CACNA2D3: variants seen among roughly 807,000 people sequenced by gnomAD.
The protein encoded by CACNA2D3 is voltage-dependent calcium channel subunit alpha-2/delta-3.
A neutral mutation model predicts 160.6 loss-of-function variants in CACNA2D3; 60 were observed. That is an observed-to-expected ratio of 0.37 (90% confidence interval 0.30 to 0.46). The LOEUF is 0.46. Among genes scored for constraint, CACNA2D3 ranks in the 20% least tolerant of loss-of-function variants. The pLI is 1.00. For missense variants in CACNA2D3, 1,205 were observed against 1,365.0 expected (o/e 0.88, Z 1.85); for synonymous variants, 558 against 492.9 (o/e 1.13, Z -1.75).
intron 11 of CACNA2D3, among the ~76,000 whole-genome samples, chr3:54,693,261 A>G (rs905297363): frequency 1.3e-5 from 2 of 152,242 alleles, no homozygotes; most frequent in African/African-American, 4.8e-5. Flanking sequence ...CATGCTCTGC[A>G]TAACGATGTT....
chr3:54,324,991 G>T (rs1314032757), intron 3 of CACNA2D3, among the ~76,000 whole-genome samples: 2 of 152,154 alleles, frequency 1.3e-5, no homozygotes, highest in African/African-American at 2.4e-5. Flanking sequence ...GTTGAGAAAT[G>T]TACCCTGATT....
chr3:54,626,211 C>T, intron 9 of CACNA2D3: 2 of 859,446 alleles, frequency 2.3e-6, no homozygotes, highest in South Asian at 2.9e-5. Context: ...GAGGATCCGG[C>T]AAGATGGCAG....
chr3:54,699,876 C>T (rs887072390), intron 11 of CACNA2D3, among the ~76,000 whole-genome samples: 2 of 152,202 alleles, frequency 1.3e-5, no homozygotes, highest in African/African-American at 4.8e-5. Flanking sequence ...AGGGTGCTTA[C>T]TGGACAGTTT....
chr3:54,793,527 G>A (rs1243238481), intron 13 of CACNA2D3, among the ~76,000 whole-genome samples: 1 of 152,218 alleles, frequency 6.6e-6, no homozygotes, highest in African/African-American at 2.4e-5. Context: ...CATCTCAAAT[G>A]TCTTTCAGAG....
intron 11 of CACNA2D3, among the ~76,000 whole-genome samples, chr3:54,678,750 G>A (rs1208446891): frequency 4.6e-3 from 304 of 66,178 alleles, no homozygotes; most frequent in Non-Finnish European, 7.9e-3. Flanking sequence ...AAAAAAAAAA[G>A]TTGATGATCA....
At chr3:54,770,110 G>C (rs1702292697) in intron 13 of CACNA2D3, among the ~76,000 whole-genome samples, 1 of 152,144 alleles carries the variant, frequency 6.6e-6, no homozygotes. Flanking sequence ...TGCGGCTGCA[G>C]CTGTTAACCC....
At chr3:54,341,001 C>T (rs1343458416) in intron 3 of CACNA2D3, among the ~76,000 whole-genome samples, 1 of 152,226 alleles carries the variant, frequency 6.6e-6, no homozygotes. Flanking sequence ...TCTGAAGCTT[C>T]ACGCCTGCTG....
rs540772052 is a variant in CACNA2D3, at chr3:54,514,693, TG to T, written c.544+11044del. 1.3e-3 allele frequency among the ~76,000 whole-genome samples: 201 copies of T among 149,264 alleles called. 1 individual carries two copies. Among genetic ancestry groups the T allele is most frequent in the African/African-American group, 4.7e-3 (192 of 40,484 alleles). On this transcript the variant is annotated intron_variant, in intron 5 of 37. Transcript: ENST00000474759. ...GCTCAGCCTGGGTGAACTGGGAAGG[TG>T]GGGGTGGCCACGGGCAGAGGACACT... is the stretch of plus-strand genomic sequence containing the variant.
At chr3:54,927,906 T>C (rs1490997628) in intron 27 of CACNA2D3, 1 of 1,613,602 alleles carries the variant, frequency 6.2e-7, no homozygotes, top group Non-Finnish European at 8.5e-7. Context: ...AGGGCTCACC[T>C]TTCATGACTG....
chr3:54,800,839 G>A (rs541292254), intron 13 of CACNA2D3, among the ~76,000 whole-genome samples: 68 of 152,196 alleles, frequency 4.5e-4, no homozygotes, highest in African/African-American at 1.3e-3. Context: ...TGTGGTGGAC[G>A]GTGTGGTGCT....
At chr3:54,485,568 CTT>C (rs111371057) in intron 4 of CACNA2D3, among the ~76,000 whole-genome samples, 12 of 141,238 alleles carry the variant, frequency 8.5e-5, no homozygotes, top group Admixed American at 1.4e-4. Context: ...ATAATAGACA[CTT>C]TTTTTTTTTT....
chr3:54,736,100 C>CATACATATATATATATACATACAT (rs1254952481), intron 11 of CACNA2D3, among the ~76,000 whole-genome samples: 1 of 47,920 alleles, frequency 2.1e-5, no homozygotes, highest in East Asian at 5.1e-4. Flanking sequence ...TATATATATA[C>CATACATATATATATATACATACAT]ATATATATGT....
intron 13 of CACNA2D3, among the ~76,000 whole-genome samples, chr3:54,801,887 T>G (rs995933202): frequency 4.6e-5 from 7 of 152,134 alleles, no homozygotes; most frequent in African/African-American, 1.7e-4. Context: ...GGTAAGATAA[T>G]ACCCAATTTC....
Position 54,922,816 on chromosome 3 carries a change from C to T in CACNA2D3, c.2449+22948C>T, listed in dbSNP as rs185740274. Among the ~76,000 whole-genome samples, 4 of 152,282 alleles carry T rather than the reference C, an allele frequency of 2.6e-5. No homozygotes were observed. The East Asian group carries it at 5.8e-4, about 22-fold the overall frequency. The stretch of plus-strand genomic sequence containing the variant: ...ATTGACCACCTCCCCAACACACTCA[C>T]TCACTCCCCCCAGTCCCCTCTTTGC... On this transcript the variant is annotated intron_variant, in intron 27 of 37. Coordinates refer to ENST00000474759, the MANE Select transcript of CACNA2D3 (RefSeq NM_018398.3).
chr3:54,867,056 T>C (rs1271461196), intron 17 of CACNA2D3, among the ~76,000 whole-genome samples: 1 of 152,210 alleles, frequency 6.6e-6, no homozygotes, highest in Non-Finnish European at 1.5e-5. Context: ...CGTTTGCAAT[T>C]AGTTAATCAC....
At chr3:54,611,279 A>G (rs1028191611) in intron 9 of CACNA2D3, among the ~76,000 whole-genome samples, 1 of 152,174 alleles carries the variant, frequency 6.6e-6, no homozygotes, top group African/African-American at 2.4e-5. Flanking sequence ...TTTGAGTCAC[A>G]TGTTTCTAAT....
chr3:54,706,247 G>A (rs1700856181), intron 11 of CACNA2D3, among the ~76,000 whole-genome samples: 1 of 152,164 alleles, frequency 6.6e-6, no homozygotes. Flanking sequence ...TTTGGGGATG[G>A]CCATGCATCC....
chr3:54,274,997 C>T (rs1252852665), intron 2 of CACNA2D3, among the ~76,000 whole-genome samples: 1 of 152,232 alleles, frequency 6.6e-6, no homozygotes, highest in Non-Finnish European at 1.5e-5. Context: ...GAGGGTTGCA[C>T]AAAGGCATAA....
rs532311165 is a variant in CACNA2D3, at chr3:54,755,021, G to C, written c.1246+2344G>C. ...CATGTCCATGGCATTCTTCTTCCTT[G>C]TAGATAGACCTTCCGTACTATGGCA... On this transcript the variant is annotated intron_variant, in intron 12 of 37. Coordinates refer to ENST00000474759, the MANE Select transcript of CACNA2D3 (RefSeq NM_018398.3). Among the ~76,000 whole-genome samples, 191 of 152,312 alleles carry C rather than the reference G, an allele frequency of 1.3e-3. 1 individual carries two copies. Among genetic ancestry groups the C allele is most frequent in the African/African-American group, 4.3e-3 (180 of 41,570 alleles).
Sources: gnomAD v4.1 joint callset for allele counts (sites outside exome capture counted in the v4.1 genomes callset) on GRCh38, gnomAD v4.1.1 for gene constraint, MANE v1.5 for transcripts, NCBI Gene and HGNC (gene_info 2026-07-23, HGNC 2026-07-21) for gene names.